The following CYP7B1 variants were observed in gnomAD, a reference collection of about 807,000 sequenced individuals.
CYP7B1 encodes the protein cytochrome P450 family 7 subfamily B member 1.
Under a neutral mutation model 42.7 loss-of-function variants are expected in CYP7B1, and 29 were observed. The observed-to-expected ratio is 0.68, with a 90% CI of 0.51 to 0.93. The LOEUF is 0.93. CYP7B1 is among the 40% of genes least tolerant of loss of function. The probability of loss-of-function intolerance (pLI) is 0.00; values close to 1 mark genes in which losing one functional copy is unlikely to be tolerated. For synonymous variants in CYP7B1, 235 were observed against 218.2 expected (o/e 1.08, Z -0.68); for missense variants, 655 against 600.5 (o/e 1.09, Z -0.95).
At chr8:64,728,711 A>C (rs1052115026) in intron 1 of CYP7B1, among the ~76,000 whole-genome samples, 5 of 152,228 alleles carry the variant, frequency 3.3e-5, no homozygotes, top group African/African-American at 1.2e-4. Context: ...ATCGTTAAGA[A>C]AAACTCAAGA....
At chr8:64,735,941 T>C (rs1807481035) in intron 1 of CYP7B1, among the ~76,000 whole-genome samples, 1 of 152,162 alleles carries the variant, frequency 6.6e-6, no homozygotes, top group Non-Finnish European at 1.5e-5. Context: ...AAAGAAGAAA[T>C]TTTTAAAGGC....
intron 1 of CYP7B1, among the ~76,000 whole-genome samples, chr8:64,625,285 C>T (rs2129630458): frequency 6.6e-6 from 1 of 152,226 alleles, no homozygotes; most frequent in South Asian, 2.1e-4. Flanking sequence ...TTATATCATT[C>T]GTACGCCTTT....
chr8:64,663,902 C>T (rs1806237763), intron 1 of CYP7B1, among the ~76,000 whole-genome samples: 1 of 152,184 alleles, frequency 6.6e-6, no homozygotes, highest in South Asian at 2.1e-4. Context: ...TATGTGGTTA[C>T]AAGTTGTTAC....
chr8:64,667,783 A>T (rs1427581531), intron 1 of CYP7B1, among the ~76,000 whole-genome samples: 1 of 152,182 alleles, frequency 6.6e-6, no homozygotes, highest in East Asian at 1.9e-4. Context: ...ACAAAGGTCT[A>T]GTCTTCTTTT....
At chr8:64,715,219 T>C (rs1807136750) in intron 1 of CYP7B1, among the ~76,000 whole-genome samples, 1 of 152,236 alleles carries the variant, frequency 6.6e-6, no homozygotes, top group South Asian at 2.1e-4. Flanking sequence ...AGAAAAATGC[T>C]AGAAATTTTT....
chr8:64,768,221 A>G (rs1213786828), intron 1 of CYP7B1, among the ~76,000 whole-genome samples: 3 of 152,174 alleles, frequency 2.0e-5, no homozygotes, highest in African/African-American at 7.2e-5. Flanking sequence ...TACTCAAATC[A>G]TATATCACCT....
intron 1 of CYP7B1, among the ~76,000 whole-genome samples, chr8:64,716,007 A>C (rs1481917375): frequency 6.6e-6 from 1 of 152,170 alleles, no homozygotes; most frequent in Non-Finnish European, 1.5e-5. Context: ...AGTTTAGTTT[A>C]TGCCTGTTTT....
chr8:64,763,097 A>G (rs1807914028), intron 1 of CYP7B1, among the ~76,000 whole-genome samples: 1 of 151,740 alleles, frequency 6.6e-6, no homozygotes, highest in Non-Finnish European at 1.5e-5. Flanking sequence ...GCTGTTTGCC[A>G]CTGTTGCAGA....
chr8:64,687,182 C>G (rs1296670973), intron 1 of CYP7B1, among the ~76,000 whole-genome samples: 1 of 151,158 alleles, frequency 6.6e-6, no homozygotes, highest in African/African-American at 2.4e-5. Flanking sequence ...TGGAAGGAAT[C>G]AAAATGTACA....
At chr8:64,669,200 G>A (rs978798945) in intron 1 of CYP7B1, among the ~76,000 whole-genome samples, 3 of 152,074 alleles carry the variant, frequency 2.0e-5, no homozygotes, top group African/African-American at 7.2e-5. Context: ...CAGGGCTGTT[G>A]ATGGCATGGG....
intron 1 of CYP7B1, chr8:64,734,304 G>A (rs1379524597): frequency 2.6e-5 from 4 of 152,146 alleles, no homozygotes; most frequent in Non-Finnish European, 5.9e-5. Flanking sequence ...AAATACCTGA[G>A]ACTGGGTAAT....
intron 1 of CYP7B1, among the ~76,000 whole-genome samples, chr8:64,792,849 G>T (rs1190983483): frequency 6.6e-6 from 1 of 152,156 alleles, no homozygotes. Context: ...GTCTATTTGG[G>T]ATGGAGTGAA....
chr8:64,624,545 AG>A lies in CYP7B1; in HGVS notation c.123-7del. Reference sequence around the variant, plus strand: ...ATGGAGGCTCACCGGGTCTCCTACAAGGAAAAAAAAAAAGATAAAAGAACAA... The same window carrying A: ...ATGGAGGCTCACCGGGTCTCCTACAAGAAAAAAAAAAAGATAAAAGAACAA... On this transcript the variant is annotated splice_region_variant and splice_polypyrimidine_tract_variant and intron_variant, in intron 1 of 5. Coordinates refer to ENST00000310193, the MANE Select transcript of CYP7B1 (RefSeq NM_004820.5). The A allele has an allele frequency of 6.2e-7, 1 of 1,612,322 alleles. No individual in the cohort carries two copies.
chr8:64,604,862 A>G lies in CYP7B1; in HGVS notation c.1058-5T>C, dbSNP rs758601453. Reference sequence around the variant, plus strand: ...AAGCTTCAAAAATGCTGCTTTCTGAAGGAAAAAAACAAACGATAGCTTATT... The same window carrying G: ...AAGCTTCAAAAATGCTGCTTTCTGAGGGAAAAAAACAAACGATAGCTTATT... On this transcript the variant is annotated splice_polypyrimidine_tract_variant and splice_region_variant and intron_variant, in intron 4 of 5. Transcript: ENST00000310193. 10 of 1,613,434 alleles carry G rather than the reference A, an allele frequency of 6.2e-6. No homozygotes were observed. In the South Asian group the frequency reaches 1.1e-4, roughly 18 times the overall value.
At chr8:64,683,887 T>C (rs1238325818) in intron 1 of CYP7B1, among the ~76,000 whole-genome samples, 2 of 152,154 alleles carry the variant, frequency 1.3e-5, no homozygotes, top group Non-Finnish European at 2.9e-5. Flanking sequence ...GCCCGGAATG[T>C]TGTTCTTCTA....
chr8:64,762,041 G>A (rs1047956562), intron 1 of CYP7B1, among the ~76,000 whole-genome samples: 2 of 152,124 alleles, frequency 1.3e-5, no homozygotes, highest in Admixed American at 1.3e-4. Context: ...ATGTAAAAAT[G>A]TCTTTAGTTT....
At chr8:64,707,535 T>C (rs1807018287) in intron 1 of CYP7B1, among the ~76,000 whole-genome samples, 1 of 152,230 alleles carries the variant, frequency 6.6e-6, no homozygotes, top group Middle Eastern at 3.4e-3. Context: ...TGACATGTAA[T>C]CAAAAGCTAA....
At chr8:64,736,574 C>T (rs952563772) in intron 1 of CYP7B1, among the ~76,000 whole-genome samples, 2 of 152,114 alleles carry the variant, frequency 1.3e-5, no homozygotes, top group African/African-American at 4.8e-5. Context: ...CCTTAGCCTC[C>T]CAAGTAGCTG....
intron 5 of CYP7B1, among the ~76,000 whole-genome samples, chr8:64,598,830 CTA>C (rs997914489): frequency 2.0e-5 from 3 of 152,154 alleles, no homozygotes; most frequent in Non-Finnish European, 2.9e-5. Flanking sequence ...TTAGAAATTC[CTA>C]TTCGGTTGTT....
Sources: gnomAD v4.1 joint callset for allele counts (sites outside exome capture counted in the v4.1 genomes callset) on GRCh38, gnomAD v4.1.1 for gene constraint, MANE v1.5 for transcripts, NCBI Gene and HGNC (gene_info 2026-07-23, HGNC 2026-07-21) for gene names.